KIF14: variants seen among roughly 807,000 people sequenced by gnomAD.
KIF14 encodes kinesin family member 14, also known as kinesin-like protein KIF14.
In KIF14, 98 loss-of-function variants were observed where a neutral mutation model predicts 176.2. The observed-to-expected ratio is 0.56, with a 90% CI of 0.47 to 0.66. The LOEUF (loss-of-function observed/expected upper bound fraction) is 0.66, where lower values mean the gene tolerates loss of function less well. KIF14 is among the 30% of genes least tolerant of loss of function. The probability of loss-of-function intolerance (pLI) is 0.00; values close to 1 mark genes in which losing one functional copy is unlikely to be tolerated. For missense variants in KIF14, 1,751 were observed against 1,920.4 expected, an observed-to-expected ratio of 0.91 and a Z score of 1.65; for synonymous variants, 566 against 632.2, an observed-to-expected ratio of 0.90 and a Z score of 1.57.
chr1:200,595,041 C>A (rs1367295375), intron 14 of KIF14, among the ~76,000 whole-genome samples: 1 of 152,294 alleles, frequency 6.6e-6, no homozygotes, highest in East Asian at 1.9e-4. Context: ...CCACTATTTT[C>A]CCATAAGAAC....
rs1187505438 is a variant in KIF14, at chr1:200,565,152, G to T, written c.3988C>A (p.Pro1330Thr). ...LMKHWLSDLL[P>T]CTNIARLEDE... ...TCAAGTCTTGCTATGTTGGTACAAG[G>T]CAGTAAATCACTCAGCCAGTGTTTC... The change falls in exon 25 of 30, where the codon CCT becomes ACT. Residue 1330 changes from proline to threonine, a missense_variant. Transcript: ENST00000367350. The T allele has an allele frequency of 3.7e-6, 6 of 1,613,760 alleles. No homozygotes were observed. Among genetic ancestry groups the T allele is most frequent in the Non-Finnish European group, 5.1e-6 (6 of 1,179,704 alleles).
intron 19 of KIF14, 139 bp from the exon 20 acceptor site, chr1:200,581,433 T>C (rs116506593): frequency 0.026 from 11,125 of 427,212 alleles, 193 homozygotes; most frequent in Middle Eastern, 0.052. Flanking sequence ...GGATAAGTGA[T>C]ATTTGAGTAA....
intron 18 of KIF14, among the ~76,000 whole-genome samples, chr1:200,588,334 G>A (rs957198323): frequency 1.3e-5 from 2 of 151,388 alleles, no homozygotes; most frequent in South Asian, 2.1e-4. Context: ...TCTGACTCTC[G>A]GGTTCAAGAG....
chr1:200,598,985 T>C (rs928272538), intron 13 of KIF14, among the ~76,000 whole-genome samples: 1 of 152,232 alleles, frequency 6.6e-6, no homozygotes, highest in African/African-American at 2.4e-5. Context: ...TTGTGTCTTC[T>C]TATTGACTGA....
At chr1:200,569,884 A>C (rs765887359) in intron 23 of KIF14, 27 bp downstream of exon 23, 17 of 1,276,892 alleles carry the variant, frequency 1.3e-5, no homozygotes, top group Non-Finnish European at 1.8e-5. Flanking sequence ...TTTTCTCGCC[A>C]TAGAGAAAAT....
chr1:200,581,181 C>T lies in KIF14; in HGVS notation c.3335+20G>A, dbSNP rs1385571732. On this transcript the variant is annotated intron_variant, in intron 20 of 29. Coordinates refer to ENST00000367350, the MANE Select transcript of KIF14 (RefSeq NM_014875.3). ...CCAACTTGTTTAAAACATTTAAAAT[C>T]AGGATAATTAATTACTCACCTGCCA... 1 of 1,229,578 alleles carries T rather than the reference C, an allele frequency of 8.1e-7. No individual in the cohort carries two copies. The highest frequency in any genetic ancestry group is 2.2e-5 in the Admixed American group (1 of 44,758). The allele number at this position is 1,229,578 out of a possible 1,614,324, so 76.2% of individuals were successfully genotyped here.
rs190713184 is a variant in KIF14, at chr1:200,592,067, A to G, written c.2813+13T>C. ...CTCATACACTTACTATTTCATATCA[A>G]CAGCATACTTACTGTGATCTCTGTG... On this transcript the variant is annotated intron_variant, in intron 16 of 29. Coordinates refer to ENST00000367350, the MANE Select transcript of KIF14 (RefSeq NM_014875.3). 63 of 1,606,132 alleles carry G rather than the reference A, an allele frequency of 3.9e-5. No homozygotes were observed. The African/African-American group carries it at 7.5e-4, about 19-fold the overall frequency.
At chr1:200,559,838 T>TCC (rs1458147582) in intron 26 of KIF14, among the ~76,000 whole-genome samples, 1 of 151,550 alleles carries the variant, frequency 6.6e-6, no homozygotes, top group Non-Finnish European at 1.5e-5. Context: ...CACTGCAACC[T>TCC]CCACCTTCCT....
At position 200,581,182 on chromosome 1, in the gene KIF14, A is replaced by C. The variant is rs778355638; in HGVS notation, c.3335+19T>G. 2 of 1,383,370 alleles carry C rather than the reference A, an allele frequency of 1.4e-6. No homozygotes were observed. Among genetic ancestry groups the C allele is most frequent in the East Asian group, 4.7e-5 (2 of 42,354 alleles). 85.7% of individuals were successfully genotyped at this position (1,383,370 alleles called of 1,614,324 possible). On this transcript the variant is annotated intron_variant, in intron 20 of 29. Transcript: ENST00000367350. The stretch of plus-strand genomic sequence containing the variant: ...CAACTTGTTTAAAACATTTAAAATC[A>C]GGATAATTAATTACTCACCTGCCAA...
In KIF14 at chr1:200,565,091, C is replaced by T. The variant is rs965458174; in HGVS notation, c.4049G>A (p.Gly1350Asp). 20 of 1,608,738 alleles carry T rather than the reference C, an allele frequency of 1.2e-5. No individual in the cohort carries two copies. Among genetic ancestry groups the T allele is most frequent in the Non-Finnish European group, 1.7e-5 (20 of 1,177,982 alleles). ...TACCTGCAAAAATAACTGTAAGTAG[C>T]CTCCCAGTTTTTTAACTTCTTGTCT... ...ELRQEVKKLGGYLQLFLQGCC... is the reference protein window; with the variant it reads ...ELRQEVKKLGDYLQLFLQGCC... Residue 1350 changes from glycine (G) to aspartate (D), a missense_variant, in exon 25 of 30, where the codon GGC becomes GAC. Gly to Asp is a moderately conservative substitution (Grantham distance 94, BLOSUM62 -1). Coordinates refer to ENST00000367350, the MANE Select transcript of KIF14 (RefSeq NM_014875.3).
At chr1:200,559,911 C>T (rs1392644631) in intron 26 of KIF14, among the ~76,000 whole-genome samples, 2 of 151,762 alleles carry the variant, frequency 1.3e-5, no homozygotes, top group African/African-American at 4.8e-5. Context: ...CCTGCCACCA[C>T]ACTCAGCTAA....
chr1:200,586,526 T>C (rs1658746213), intron 18 of KIF14, among the ~76,000 whole-genome samples: 1 of 151,886 alleles, frequency 6.6e-6, no homozygotes, highest in Non-Finnish European at 1.5e-5. Flanking sequence ...AAATGATTTA[T>C]AAAATTTCCT....
At position 200,603,228 on chromosome 1, in the gene KIF14, T is replaced by C. The variant is rs745318634; in HGVS notation, c.1977A>G (p.Thr659=). The change falls in exon 10 of 30, where the codon ACA becomes ACG. Residue 659 remains threonine (T), a splice_region_variant and synonymous_variant. Transcript: ENST00000367350. ...TTTATACTTCAAAAGATACTTGCCA[T>C]GTAAGAACAGATTCACGATAAGGAA... ...VFIPYRESVL[T]WLLKESLGGN... is the part of the protein sequence containing the mutation. 6 of 1,554,634 alleles carry C rather than the reference T, an allele frequency of 3.9e-6. No individual in the cohort carries two copies. The highest frequency in any genetic ancestry group is 1.4e-5 in the African/African-American group (1 of 73,994).
At chr1:200,559,500 TTTTAA>T (rs758469996) in intron 26 of KIF14, 48 bp from the exon 27 acceptor site, 37 of 1,094,786 alleles carry the variant, frequency 3.4e-5, no homozygotes, top group Middle Eastern at 4.8e-4. Flanking sequence ...GTTTTATGTA[TTTTAA>T]TTTATTTAAA....
In KIF14 at chr1:200,607,665, G is replaced by C. The variant is rs112582706; in HGVS notation, c.1555-867C>G. Among the ~76,000 whole-genome samples the C allele has an allele frequency of 3.9e-5, 6 of 152,216 alleles. 1 individual carries two copies. The highest frequency in any genetic ancestry group is 1.4e-4 in the African/African-American group (6 of 41,540). On this transcript the variant is annotated intron_variant, in intron 5 of 29. Coordinates refer to ENST00000367350, the MANE Select transcript of KIF14 (RefSeq NM_014875.3). ...TTTAAGTTTCTTGATGTTGCCAATA[G>C]TAAACTGCACAAACATGGGCAAGTG...
At position 200,618,091 on chromosome 1, in the gene KIF14, T is replaced by G; in HGVS notation, c.633A>C (p.Ala211=). The change falls in exon 2 of 30, where the codon GCA becomes GCC. Residue 211 remains alanine, a synonymous_variant. Coordinates refer to ENST00000367350, the MANE Select transcript of KIF14 (RefSeq NM_014875.3). ...GTGGTCTATTACTTGAGTACTTAAGTGCAACATTTTCATTTGCTCTACTGG... is the reference window on the plus strand; with the variant it reads ...GTGGTCTATTACTTGAGTACTTAAGGGCAACATTTTCATTTGCTCTACTGG... ...SAPSRANENV[A]LKYSSNRPPI... is the part of the protein sequence containing the mutation. 6.2e-7 allele frequency: 1 copy of G among 1,614,192 alleles called. No individual in the cohort carries two copies. The highest frequency in any genetic ancestry group is 2.2e-5 in the East Asian group (1 of 44,880).
chr1:200,593,954 G>A (rs1360635731), intron 14 of KIF14, among the ~76,000 whole-genome samples, 185 bp from the exon 15 acceptor site: 2 of 90,508 alleles, frequency 2.2e-5, no homozygotes, highest in East Asian at 4.0e-4. Flanking sequence ...TTTTTGAGAC[G>A]GAGTCTTGCT....
intron 22 of KIF14, among the ~76,000 whole-genome samples, chr1:200,574,424 T>G (rs1406255995): frequency 3.3e-5 from 5 of 152,178 alleles, no homozygotes; most frequent in African/African-American, 1.2e-4. Flanking sequence ...AGTCTCTGCA[T>G]CCTATTGATT....
rs369871290 is a variant in KIF14 at position 200,560,617 on chromosome 1, A to G, written c.4230+105T>C. 4.1e-6 allele frequency: 5 copies of G among 1,224,502 alleles called. No individual in the cohort carries two copies. The African/African-American group carries it at 4.5e-5, about 11-fold the overall frequency. The allele number at this position is 1,224,502 out of a possible 1,614,324, so 75.9% of individuals were successfully genotyped here. A position where few individuals can be genotyped will look rare whatever the true frequency, so the allele number is the denominator to read the frequency against. Reference sequence around the variant, plus strand: ...TGCAAAACTACTAAAAGTACAAGCTATTTTGAAAACTTAAAAAGAACTTGC... The same window carrying G: ...TGCAAAACTACTAAAAGTACAAGCTGTTTTGAAAACTTAAAAAGAACTTGC... On this transcript the variant is annotated intron_variant, in intron 26 of 29. Transcript: ENST00000367350.
Sources: allele counts gnomAD v4.1 joint callset (sites outside exome capture counted in the v4.1 genomes callset), GRCh38; gene constraint gnomAD v4.1.1; transcripts MANE v1.5; gene names NCBI Gene and HGNC (gene_info 2026-07-23, HGNC 2026-07-21).